The following GALNTL6 variants were observed in gnomAD, a reference collection of about 807,000 sequenced individuals.
The protein encoded by GALNTL6 is polypeptide N-acetylgalactosaminyltransferase-like 6.
Under a neutral mutation model 73.7 loss-of-function variants are expected in GALNTL6, and 46 were observed. The ratio of observed to expected loss-of-function variants is 0.62; its 90% CI spans 0.49 to 0.80. GALNTL6 has a LOEUF of 0.80. Ranked by LOEUF, GALNTL6 falls within the 30% of genes least tolerant of loss-of-function variation. GALNTL6 has a pLI of 0.00. For missense variants in GALNTL6, 604 were observed against 755.0 expected, an observed-to-expected ratio of 0.80 and a Z score of 2.34; for synonymous variants, 259 against 263.7, an observed-to-expected ratio of 0.98 and a Z score of 0.17.
intron 5 of GALNTL6, among the ~76,000 whole-genome samples, chr4:172,594,577 A>G (rs541832717): frequency 6.6e-6 from 1 of 152,228 alleles, no homozygotes; most frequent in East Asian, 1.9e-4. Context: ...CTTGTTTTTT[A>G]AAAAACACAT....
chr4:172,113,632 C>T (rs1377075670), intron 2 of GALNTL6, among the ~76,000 whole-genome samples: 2 of 152,048 alleles, frequency 1.3e-5, no homozygotes, highest in Non-Finnish European at 2.9e-5. Flanking sequence ...CATGTTTATA[C>T]AGCTTGAGCT....
chr4:172,936,446 A>C (rs1241602692), intron 9 of GALNTL6, among the ~76,000 whole-genome samples: 1 of 152,186 alleles, frequency 6.6e-6, no homozygotes, highest in East Asian at 1.9e-4. Context: ...AAGAGAAAGA[A>C]ATAGAGTATT....
intron 5 of GALNTL6, among the ~76,000 whole-genome samples, chr4:172,793,469 G>T (rs766543333): frequency 1.3e-5 from 2 of 152,102 alleles, no homozygotes; most frequent in Non-Finnish European, 2.9e-5. Flanking sequence ...ATTGCAGCAC[G>T]CCAACTCACT....
chr4:172,345,148 G>A (rs1302135336), intron 4 of GALNTL6, among the ~76,000 whole-genome samples: 1 of 149,756 alleles, frequency 6.7e-6, no homozygotes, highest in Admixed American at 6.7e-5. Flanking sequence ...TAATCTTATA[G>A]AGGGTAAATA....
chr4:172,188,464 A>G (rs936651163), intron 2 of GALNTL6, among the ~76,000 whole-genome samples: 1 of 152,212 alleles, frequency 6.6e-6, no homozygotes, highest in Non-Finnish European at 1.5e-5. Context: ...AACAGTGGGG[A>G]CACAGTGGAG....
intron 5 of GALNTL6, among the ~76,000 whole-genome samples, chr4:172,627,819 T>A (rs2111086609): frequency 1.3e-5 from 2 of 152,176 alleles, no homozygotes; most frequent in South Asian, 4.1e-4. Flanking sequence ...CTCTGAGAAT[T>A]TTTTGTATTT....
chr4:172,760,227 T>A (rs1738001694), intron 5 of GALNTL6, among the ~76,000 whole-genome samples: 1 of 152,178 alleles, frequency 6.6e-6, no homozygotes, highest in African/African-American at 2.4e-5. Flanking sequence ...TGAACCCGAT[T>A]ACTTTGGTTT....
intron 2 of GALNTL6, among the ~76,000 whole-genome samples, chr4:172,080,113 T>G (rs1245767476): frequency 6.6e-6 from 1 of 152,192 alleles, no homozygotes; most frequent in East Asian, 1.9e-4. Context: ...CTAACATAAT[T>G]TCTCAAATTA....
chr4:172,831,773 G>C (rs1742653053), intron 7 of GALNTL6, among the ~76,000 whole-genome samples: 1 of 152,192 alleles, frequency 6.6e-6, no homozygotes, highest in Non-Finnish European at 1.5e-5. Flanking sequence ...CATGAAGGTA[G>C]AGCTCTCAGG....
At chr4:172,296,867 G>T (rs62332770) in intron 3 of GALNTL6, among the ~76,000 whole-genome samples, 1 of 151,942 alleles carries the variant, frequency 6.6e-6, no homozygotes, top group Admixed American at 6.6e-5. Context: ...TAATCCTTTG[G>T]GTATATACCC....
chr4:172,277,024 AT>A (rs547276071), intron 3 of GALNTL6, among the ~76,000 whole-genome samples: 1 of 151,658 alleles, frequency 6.6e-6, no homozygotes, highest in African/African-American at 2.4e-5. Flanking sequence ...ACATACTTGG[AT>A]TTTTTCTTTC....
chr4:172,972,609 G>T (rs1436926190), intron 10 of GALNTL6, among the ~76,000 whole-genome samples: 1 of 152,142 alleles, frequency 6.6e-6, no homozygotes, highest in Non-Finnish European at 1.5e-5. Context: ...TTCACAAATA[G>T]AACTAAAGAT....
intron 2 of GALNTL6, among the ~76,000 whole-genome samples, chr4:172,163,184 ATATAAT>A (rs1290362082): frequency 6.6e-6 from 1 of 152,190 alleles, no homozygotes; most frequent in Non-Finnish European, 1.5e-5. Flanking sequence ...TTATAATTTT[ATATAAT>A]TATAAGAAAT....
chr4:172,359,405 C>T (rs906403757), intron 5 of GALNTL6, among the ~76,000 whole-genome samples: 4 of 152,096 alleles, frequency 2.6e-5, no homozygotes, highest in Admixed American at 2.0e-4. Flanking sequence ...ATATTGGGTA[C>T]TAGGCTTAGT....
intron 5 of GALNTL6, among the ~76,000 whole-genome samples, chr4:172,612,694 C>T (rs1304448510): frequency 6.6e-6 from 1 of 152,038 alleles, no homozygotes; most frequent in Non-Finnish European, 1.5e-5. Context: ...TAAAAATTCT[C>T]CTAAAATTTA....
chr4:172,019,480 T>C (rs972999624), intron 2 of GALNTL6, among the ~76,000 whole-genome samples: 1 of 152,040 alleles, frequency 6.6e-6, no homozygotes, highest in African/African-American at 2.4e-5. Flanking sequence ...AAAAAGATAT[T>C]TCATGCTAAA....
At chr4:172,874,746 G>A (rs569516418) in intron 7 of GALNTL6, among the ~76,000 whole-genome samples, 2 of 152,326 alleles carry the variant, frequency 1.3e-5, no homozygotes, top group East Asian at 1.9e-4. Flanking sequence ...ACACGATGGC[G>A]TCTGCTCCCG....
intron 5 of GALNTL6, among the ~76,000 whole-genome samples, chr4:172,659,235 T>C (rs1450784492): frequency 1.3e-5 from 2 of 152,168 alleles, no homozygotes; most frequent in African/African-American, 2.4e-5. Context: ...TTTTTTCTTT[T>C]TTAAAATTTT....
At chr4:171,927,556 G>A (rs1348739696) in intron 2 of GALNTL6, among the ~76,000 whole-genome samples, 2 of 152,020 alleles carry the variant, frequency 1.3e-5, no homozygotes, top group Non-Finnish European at 2.9e-5. Flanking sequence ...GCCAACCAAA[G>A]TTCCTACATT....
Sources: gnomAD v4.1 joint callset for allele counts (sites outside exome capture counted in the v4.1 genomes callset) on GRCh38, gnomAD v4.1.1 for gene constraint, MANE v1.5 for transcripts, NCBI Gene and HGNC (gene_info 2026-07-23, HGNC 2026-07-21) for gene names.